Variants in NAV1 observed in about 807,000 individuals in gnomAD.
NAV1 encodes the protein neuron navigator 1.
NAV1 carries 18 observed loss-of-function variants against 175.2 expected under a neutral mutation model. The ratio of observed to expected loss-of-function variants is 0.10; its 90% CI spans 0.07 to 0.15. The LOEUF is 0.15. NAV1 is among the 10% of genes least tolerant of loss of function. The pLI, the probability that NAV1 is intolerant of heterozygous loss-of-function variation, is 1.00. For synonymous variants in NAV1, 897 were observed against 978.7 expected (o/e 0.92, Z 1.56); for missense variants, 1,731 against 2,436.6 (o/e 0.71, Z 6.10).
At chr1:201,793,896 TG>T in intron 14 of NAV1, 21 bp downstream of exon 18, 5 of 260,284 alleles carry the variant, frequency 1.9e-5, no homozygotes, top group Non-Finnish European at 3.9e-5. Flanking sequence ...TGGGAAAGGG[TG>T]GGAGGGGTGG....
At chr1:201,642,198 TTCCTTTCTTCCTTCCC>T (rs797000203) in intron 2 of NAV1, among the ~76,000 whole-genome samples, 80 of 140,480 alleles carry the variant, frequency 5.7e-4, no homozygotes, top group African/African-American at 2.1e-3. Flanking sequence ...CCCTCCTTTC[TTCCTTTCTTCCTTCCC>T]TCCTTTCTTC....
chr1:201,640,402 C>G (rs918063340), intron 2 of NAV1, among the ~76,000 whole-genome samples: 1 of 152,172 alleles, frequency 6.6e-6, no homozygotes, highest in African/African-American at 2.4e-5. Flanking sequence ...ACCACTGTGT[C>G]TAGTGTCTCC....
chr1:201,790,812 A>G (rs1309658367), intron 13 of NAV1, 46 bp downstream of exon 17: 8 of 1,601,466 alleles, frequency 5.0e-6, no homozygotes, highest in East Asian at 4.5e-5. Context: ...TATTTTGACT[A>G]TCGTTAGACA....
At chr1:201,687,997 C>T (rs589641) in intron 1 of NAV1, among the ~76,000 whole-genome samples, 2,590 of 152,332 alleles carry the variant, frequency 0.017, 48 homozygotes, top group Non-Finnish European at 0.026. Flanking sequence ...TTCTAATTGC[C>T]ACATAACATG....
intron 2 of NAV1, among the ~76,000 whole-genome samples, chr1:201,717,391 T>A (rs904648893): frequency 6.6e-6 from 1 of 152,200 alleles, no homozygotes; most frequent in Non-Finnish European, 1.5e-5. Context: ...TGAGGCTGAT[T>A]TGGGCTGGCC....
chr1:201,605,286 T>G (rs1667643890), intron 2 of NAV1, among the ~76,000 whole-genome samples: 1 of 152,062 alleles, frequency 6.6e-6, no homozygotes, highest in Non-Finnish European at 1.5e-5. Flanking sequence ...AGCATCTCGT[T>G]GCCTAGCAAC....
At chr1:201,717,974 T>G (rs1672208410) in intron 2 of NAV1, among the ~76,000 whole-genome samples, 1 of 152,192 alleles carries the variant, frequency 6.6e-6, no homozygotes, top group Non-Finnish European at 1.5e-5. Flanking sequence ...AGGCACTGTG[T>G]TCTGTCTGTA....
At position 201,586,748 on chromosome 1, in the gene NAV1, C is replaced by T. The variant is rs114087891; in HGVS notation, c.-143-1791C>T. 6.0e-3 allele frequency among the ~76,000 whole-genome samples: 917 copies of T among 152,168 alleles called. 10 individuals carry two copies. Among genetic ancestry groups the T allele is most frequent in the African/African-American group, 0.02 (821 of 41,514 alleles). Reference sequence around the variant, plus strand: ...TCTTTTCACCCTATTGAATTAGGGCCCCACTGATATGATCTCATTTAACCT... The same window carrying T: ...TCTTTTCACCCTATTGAATTAGGGCTCCACTGATATGATCTCATTTAACCT... On this transcript the variant is annotated intron_variant, in intron 1 of 33. Coordinates refer to the NAV1 transcript ENST00000685211.
At chr1:201,648,893 T>G (rs1669079751) in exon 1 of NAV1, 1 of 1,612,532 alleles carries the variant, frequency 6.2e-7, no homozygotes, top group African/African-American at 1.3e-5. Flanking sequence ...TGGACAGCCG[T>G]GTCCCCGGCG....
intron 1 of NAV1, among the ~76,000 whole-genome samples, chr1:201,683,019 T>C (rs1670525937): frequency 6.6e-6 from 1 of 152,302 alleles, no homozygotes; most frequent in African/African-American, 2.4e-5. Context: ...CAGACTTTAT[T>C]TGGATTTACC....
intron 1 of NAV1, among the ~76,000 whole-genome samples, chr1:201,568,885 C>T (rs1404734220): frequency 6.6e-6 from 1 of 151,930 alleles, no homozygotes; most frequent in Non-Finnish European, 1.5e-5. Flanking sequence ...CAGAAGTTTG[C>T]GGGGGTCCTC....
rs142466409 is a variant in NAV1, at chr1:201,778,051, A to G, written c.1227-2370A>G. ...TGACAACAGAATTTTCCTTTTCTTC[A>G]GAACTTGCAAAAGAATTTTGCTAGG... On this transcript the variant is annotated intron_variant, in intron 3 of 29. Transcript: ENST00000367296. Among the ~76,000 whole-genome samples the G allele has an allele frequency of 5.6e-4, 86 of 152,338 alleles. 2 individuals are homozygous for G. In the East Asian group the frequency reaches 0.015, roughly 26 times the overall value.
chr1:201,547,934 C>A (rs1490751842), intron 1 of NAV1, among the ~76,000 whole-genome samples: 1 of 152,126 alleles, frequency 6.6e-6, no homozygotes, highest in Non-Finnish European at 1.5e-5. Flanking sequence ...GCTGGGATTA[C>A]GGGCACCTGC....
intron 1 of NAV1, among the ~76,000 whole-genome samples, chr1:201,681,830 A>G (rs1273500174): frequency 6.6e-6 from 1 of 151,688 alleles, no homozygotes; most frequent in Non-Finnish European, 1.5e-5. Flanking sequence ...AAAATTAGCC[A>G]AGGGCCGAGT....
chr1:201,709,587 G>C (rs1291270181), intron 1 of NAV1, among the ~76,000 whole-genome samples: 1 of 151,828 alleles, frequency 6.6e-6, no homozygotes, highest in African/African-American at 2.4e-5. Context: ...ACTTACCAGG[G>C]GCCCCAACCC....
chr1:201,565,481 C>A (rs1202583233), intron 1 of NAV1, among the ~76,000 whole-genome samples: 1 of 152,186 alleles, frequency 6.6e-6, no homozygotes, highest in African/African-American at 2.4e-5. Context: ...TATGTGAGGG[C>A]GGCTGCCAGC....
chr1:201,634,090 C>T (rs564400489), intron 2 of NAV1, among the ~76,000 whole-genome samples: 1 of 152,344 alleles, frequency 6.6e-6, no homozygotes, highest in Admixed American at 6.5e-5. Context: ...CCTTGCATCA[C>T]AGCTTCCTCA....
intron 22 of NAV1, 68 bp from the exon 27 acceptor site, chr1:201,809,878 T>G: frequency 7.0e-7 from 1 of 1,421,262 alleles, no homozygotes; most frequent in Non-Finnish European, 9.8e-7. Context: ...CTGATAGACA[T>G]TCTTTGTTGT....
At chr1:201,671,991 TC>T (rs1670062862) in intron 1 of NAV1, among the ~76,000 whole-genome samples, 1 of 152,160 alleles carries the variant, frequency 6.6e-6, no homozygotes, top group South Asian at 2.1e-4. Flanking sequence ...CCACTCCCAC[TC>T]TATCAGCAGT....
Sources: allele counts gnomAD v4.1 joint callset (sites outside exome capture counted in the v4.1 genomes callset), GRCh38; gene constraint gnomAD v4.1.1; transcripts MANE v1.5; gene names NCBI Gene and HGNC (gene_info 2026-07-23, HGNC 2026-07-21).